The following SRD5A2 variants were observed in gnomAD, a reference collection of about 807,000 sequenced individuals.
SRD5A2 encodes 3-oxo-5-alpha-steroid 4-dehydrogenase 2.
A neutral mutation model predicts 27.4 loss-of-function variants in SRD5A2; 30 were observed. That is an observed-to-expected ratio of 1.10 (90% CI 0.82 to 1.49). SRD5A2 has a LOEUF of 1.49. Ranked by LOEUF, SRD5A2 falls within the 40% of genes most tolerant of loss-of-function variation. SRD5A2 has a pLI of 0.00. For missense variants in SRD5A2, 348 were observed against 323.4 expected (o/e 1.08, Z -0.58); for synonymous variants, 141 against 133.6 (o/e 1.06, Z -0.38).
chr2:31,607,798 T>C, the SRD5A2 span, among the ~76,000 whole-genome samples: 1 of 152,006 alleles, frequency 6.6e-6, no homozygotes, highest in African/African-American at 2.4e-5. Context: ...AATGTTTGTA[T>C]CCTCCAAAAT....
chr2:31,645,237 C>G, the SRD5A2 span, among the ~76,000 whole-genome samples: 9 of 152,150 alleles, frequency 5.9e-5, no homozygotes, highest in African/African-American at 2.2e-4. Context: ...ATGAATAAGA[C>G]CTACTGTTTG....
chr2:31,548,403 C>CA (rs1171759716), intron 1 of SRD5A2, among the ~76,000 whole-genome samples: 6 of 152,004 alleles, frequency 3.9e-5, no homozygotes, highest in African/African-American at 1.4e-4. Context: ...ACAACAACAA[C>CA]AAAAAATTGG....
chr2:31,627,431 GGGGTGTGT>G, the SRD5A2 span, among the ~76,000 whole-genome samples: 1 of 136,960 alleles, frequency 7.3e-6, no homozygotes, highest in Non-Finnish European at 1.7e-5. Flanking sequence ...CTTTTGTACG[GGGGTGTGT>G]GTGTGTGTGT....
chr2:31,634,537 C>T, the SRD5A2 span, among the ~76,000 whole-genome samples: 1 of 151,966 alleles, frequency 6.6e-6, no homozygotes, highest in African/African-American at 2.4e-5. Flanking sequence ...AAAACAAATA[C>T]CAATACTCAG....
the SRD5A2 span, among the ~76,000 whole-genome samples, chr2:31,588,645 G>T: frequency 3.3e-5 from 5 of 152,048 alleles, no homozygotes; most frequent in Non-Finnish European, 5.9e-5. Flanking sequence ...CAATCAAAAA[G>T]AAAAGGACAT....
the SRD5A2 span, among the ~76,000 whole-genome samples, chr2:31,591,941 G>T: frequency 8.3e-6 from 1 of 120,820 alleles, no homozygotes; most frequent in Non-Finnish European, 1.7e-5. Flanking sequence ...CTGTTGTGGG[G>T]TGGGGGGAGG....
At chr2:31,623,344 GA>G in the SRD5A2 span, among the ~76,000 whole-genome samples, 10 of 151,986 alleles carry the variant, frequency 6.6e-5, no homozygotes, top group African/African-American at 2.2e-4. Flanking sequence ...GATAAAGCAA[GA>G]AAAATGCATT....
Position 31,532,002 on chromosome 2 carries a change from C to T in SRD5A2, c.446-530G>A, listed in dbSNP as rs77208491. 1.9e-3 allele frequency among the ~76,000 whole-genome samples: 290 copies of T among 152,236 alleles called. 2 individuals are homozygous for T. The highest frequency in any genetic ancestry group is 6.7e-3 in the African/African-American group (277 of 41,534). On this transcript the variant is annotated intron_variant, in intron 2 of 4. Transcript: ENST00000622030. Reference sequence around the variant, plus strand: ...TTGCTTTTCTGATAAAAGGTGCAGGCAAGACCGGTGCCCCTACTTCGTCTT... The same window carrying T: ...TTGCTTTTCTGATAAAAGGTGCAGGTAAGACCGGTGCCCCTACTTCGTCTT...
At chr2:31,588,148 G>C in the SRD5A2 span, among the ~76,000 whole-genome samples, 1 of 152,086 alleles carries the variant, frequency 6.6e-6, no homozygotes, top group Non-Finnish European at 1.5e-5. Flanking sequence ...GCAAATCTAA[G>C]AGTTATTGGT....
At chr2:31,633,631 C>A in the SRD5A2 span, among the ~76,000 whole-genome samples, 1 of 152,152 alleles carries the variant, frequency 6.6e-6, no homozygotes, top group African/African-American at 2.4e-5. Context: ...GCACCCCTCC[C>A]GAGGAAATCT....
At chr2:31,595,554 A>G in the SRD5A2 span, among the ~76,000 whole-genome samples, 1 of 151,756 alleles carries the variant, frequency 6.6e-6, no homozygotes, top group African/African-American at 2.4e-5. Flanking sequence ...AGATTGAAAC[A>G]GTGAGAAAAA....
the SRD5A2 span, among the ~76,000 whole-genome samples, chr2:31,591,711 G>C: frequency 2.1e-5 from 3 of 143,154 alleles, no homozygotes. Flanking sequence ...TGATAGACTG[G>C]ATCAAGAAAA....
chr2:31,594,116 G>A, the SRD5A2 span, among the ~76,000 whole-genome samples: 1 of 152,092 alleles, frequency 6.6e-6, no homozygotes, highest in East Asian at 1.9e-4. Context: ...ATCTCACAGG[G>A]CCTATAAAAT....
chr2:31,573,297 C>G (rs186789876), intron 1 of SRD5A2, among the ~76,000 whole-genome samples: 2 of 152,320 alleles, frequency 1.3e-5, no homozygotes, highest in African/African-American at 4.8e-5. Flanking sequence ...ATTGGTTTCC[C>G]TTCTCTCCCT....
chr2:31,599,027 T>C, the SRD5A2 span, among the ~76,000 whole-genome samples: 9 of 151,978 alleles, frequency 5.9e-5, no homozygotes, highest in Non-Finnish European at 1.2e-4. Context: ...GCTATACTTA[T>C]ATCAGACAAA....
the SRD5A2 span, among the ~76,000 whole-genome samples, chr2:31,641,211 A>G: frequency 1.3e-5 from 2 of 152,160 alleles, no homozygotes; most frequent in Non-Finnish European, 2.9e-5. Flanking sequence ...AAGACCCTCT[A>G]TATTTAAACT....
chr2:31,561,778 T>G (rs916231549), intron 1 of SRD5A2, among the ~76,000 whole-genome samples: 1 of 152,208 alleles, frequency 6.6e-6, no homozygotes, highest in Admixed American at 6.5e-5. Flanking sequence ...GGCATGCTAC[T>G]GACCACTGGC....
chr2:31,661,478 A>G, the SRD5A2 span, among the ~76,000 whole-genome samples: 1 of 152,160 alleles, frequency 6.6e-6, no homozygotes, highest in African/African-American at 2.4e-5. Flanking sequence ...GAGACACTCT[A>G]TCTTCCAAGG....
the SRD5A2 span, among the ~76,000 whole-genome samples, chr2:31,657,433 C>A: frequency 6.6e-6 from 1 of 151,928 alleles, no homozygotes; most frequent in Non-Finnish European, 1.5e-5. Context: ...AGTCTGTTTC[C>A]CAAGTGGAGT....
Sources: allele counts gnomAD v4.1 joint callset (sites outside exome capture counted in the v4.1 genomes callset), GRCh38; gene constraint gnomAD v4.1.1; transcripts MANE v1.5; gene names NCBI Gene and HGNC (gene_info 2026-07-23, HGNC 2026-07-21).